CSMD1: variants seen among roughly 807,000 people sequenced by gnomAD.
CSMD1 encodes the protein CUB and Sushi multiple domains 1.
Under a neutral mutation model 417.5 loss-of-function variants are expected in CSMD1, and 213 were observed. The observed-to-expected ratio is 0.51, with a 90% CI of 0.46 to 0.57. The LOEUF is 0.57. Ranked by LOEUF, CSMD1 falls within the 20% of genes least tolerant of loss-of-function variation. CSMD1 has a pLI of 0.00. For synonymous variants in CSMD1, 2,862 were observed against 1,736.8 expected (o/e 1.65, Z -16.11); for missense variants, 6,923 against 4,529.7 (o/e 1.53, Z -15.17).
intron 1 of CSMD1, among the ~76,000 whole-genome samples, chr8:4,952,693 C>T (rs1563853734): frequency 6.6e-6 from 1 of 151,952 alleles, no homozygotes; most frequent in Non-Finnish European, 1.5e-5. Context: ...ACATGGAATA[C>T]ATTAAAATGA....
chr8:3,331,237 CAAAA>C (rs112278319), intron 23 of CSMD1, among the ~76,000 whole-genome samples: 4 of 128,512 alleles, frequency 3.1e-5, no homozygotes, highest in African/African-American at 3.2e-5. Flanking sequence ...GACTCCGTCT[CAAAA>C]AAAAAAAAAA....
chr8:3,079,678 G>C (rs750074324), intron 49 of CSMD1, among the ~76,000 whole-genome samples: 2 of 152,162 alleles, frequency 1.3e-5, no homozygotes, highest in African/African-American at 2.4e-5. Flanking sequence ...TAAAAGGACA[G>C]TTTCCTCTGA....
intron 5 of CSMD1, among the ~76,000 whole-genome samples, chr8:3,964,082 T>G (rs922237559): frequency 1.3e-5 from 2 of 152,214 alleles, no homozygotes; most frequent in African/African-American, 2.4e-5. Flanking sequence ...TTGAATAACT[T>G]TTTTGTCAAC....
At chr8:3,387,201 C>T (rs1194040208) in intron 18 of CSMD1, among the ~76,000 whole-genome samples, 2 of 152,138 alleles carry the variant, frequency 1.3e-5, no homozygotes, top group Admixed American at 6.5e-5. Flanking sequence ...TACCGCCCCA[C>T]GTGCCAGTTT....
intron 5 of CSMD1, among the ~76,000 whole-genome samples, chr8:3,791,210 A>G (rs1047503925): frequency 2.6e-5 from 4 of 152,194 alleles, no homozygotes; most frequent in African/African-American, 4.8e-5. Context: ...TACCCCAAAC[A>G]TAAACTTCCA....
chr8:3,563,442 T>TAAAAAAAAAAA (rs60108067), intron 10 of CSMD1, among the ~76,000 whole-genome samples: 3 of 62,770 alleles, frequency 4.8e-5, no homozygotes, highest in Non-Finnish European at 6.3e-5. Flanking sequence ...TATTAAAAGG[T>TAAAAAAAAAAA]AAAAAAAAAA....
In CSMD1 at chr8:4,464,236, C is replaced by A. The variant is rs73660869; in HGVS notation, c.303-44171G>T. Among the ~76,000 whole-genome samples the A allele has an allele frequency of 3.5e-3, 526 of 152,248 alleles. 3 individuals carry two copies. Among genetic ancestry groups the A allele is most frequent in the African/African-American group, 0.012 (500 of 41,558 alleles). ...TTGGATTTCACTGCCTCTTAACATT[C>A]CCACATTAACATCTTCCTGCAGTGA... On this transcript the variant is annotated intron_variant, in intron 2 of 69. Coordinates refer to ENST00000635120, the MANE Select transcript of CSMD1 (RefSeq NM_033225.6).
intron 5 of CSMD1, among the ~76,000 whole-genome samples, chr8:3,886,891 G>C (rs947624271): frequency 2.0e-5 from 3 of 152,148 alleles, no homozygotes; most frequent in Admixed American, 2.0e-4. Context: ...GCATGGTAAT[G>C]ATTCACTGAG....
At position 4,971,599 on chromosome 8, in the gene CSMD1, G is replaced by T. The variant is rs74818735; in HGVS notation, c.85+22733C>A. ...AGGCTATGTTTACCACACATTCAAA[G>T]ACTATGATTTCTAATTGCAAATGCA... On this transcript the variant is annotated intron_variant, in intron 1 of 69. Coordinates refer to ENST00000635120, the MANE Select transcript of CSMD1 (RefSeq NM_033225.6). Among the ~76,000 whole-genome samples the T allele has an allele frequency of 9.9e-3, 1,502 of 151,884 alleles. 26 individuals are homozygous for T. Among genetic ancestry groups the T allele is most frequent in the South Asian group, 0.072 (346 of 4,818 alleles).
chr8:4,388,772 T>C (rs948961986), intron 3 of CSMD1, among the ~76,000 whole-genome samples: 2 of 152,240 alleles, frequency 1.3e-5, no homozygotes, highest in African/African-American at 4.8e-5. Context: ...CCTGTCTTTC[T>C]GTGTATTCAG....
At chr8:3,704,666 G>C (rs1563290999) in intron 7 of CSMD1, 1 of 152,204 alleles carries the variant, frequency 6.6e-6, no homozygotes, top group Non-Finnish European at 1.5e-5. Context: ...CTCACCCTTT[G>C]TGGCCACGCC....
chr8:3,466,380 G>T (rs1335186050), intron 12 of CSMD1, among the ~76,000 whole-genome samples: 1 of 151,782 alleles, frequency 6.6e-6, no homozygotes, highest in Non-Finnish European at 1.5e-5. Context: ...TTAACTCTAT[G>T]TGAATATATG....
At chr8:4,864,265 A>G (rs1802299111) in intron 1 of CSMD1, among the ~76,000 whole-genome samples, 1 of 151,956 alleles carries the variant, frequency 6.6e-6, no homozygotes, top group Non-Finnish European at 1.5e-5. Context: ...AGAAATACAT[A>G]CCTACACACA....
At chr8:4,299,456 T>C (rs1356179473) in intron 3 of CSMD1, among the ~76,000 whole-genome samples, 1 of 152,142 alleles carries the variant, frequency 6.6e-6, no homozygotes, top group Non-Finnish European at 1.5e-5. Flanking sequence ...CACTAGTAAT[T>C]GGTTCTTTAA....
chr8:4,352,548 C>A (rs1584943839), intron 3 of CSMD1, among the ~76,000 whole-genome samples: 1 of 152,214 alleles, frequency 6.6e-6, no homozygotes, highest in Non-Finnish European at 1.5e-5. Context: ...CAGACATCAT[C>A]TATGTCATCC....
chr8:4,989,652 T>C lies in CSMD1; in HGVS notation c.85+4680A>G, dbSNP rs77746442. ...GGGAAAAGGTAGCTTAAATTGCATGTATGCAACTTGTAATGGCTTATTTTC... is the reference window on the plus strand; with the variant it reads ...GGGAAAAGGTAGCTTAAATTGCATGCATGCAACTTGTAATGGCTTATTTTC... On this transcript the variant is annotated intron_variant, in intron 1 of 69. Coordinates refer to ENST00000635120, the MANE Select transcript of CSMD1 (RefSeq NM_033225.6). Among the ~76,000 whole-genome samples the C allele has an allele frequency of 6.0e-3, 913 of 152,336 alleles. 14 individuals carry two copies. The highest frequency in any genetic ancestry group is 0.047 in the East Asian group (246 of 5,182).
rs539107710 is a variant in CSMD1 at position 4,887,485 on chromosome 8, A to G, written c.85+106847T>C. Among the ~76,000 whole-genome samples the G allele has an allele frequency of 3.3e-5, 5 of 152,146 alleles. No homozygotes were observed. The East Asian group carries it at 9.7e-4, about 29-fold the overall frequency. On this transcript the variant is annotated intron_variant, in intron 1 of 69. Coordinates refer to ENST00000635120, the MANE Select transcript of CSMD1 (RefSeq NM_033225.6). ...TTACAAACGTTTTTGTTACGTGTAG[A>G]TAATTCATGATGCTATTCAATTCTT...
At chr8:3,624,100 A>G (rs902020613) in intron 7 of CSMD1, among the ~76,000 whole-genome samples, 1 of 152,314 alleles carries the variant, frequency 6.6e-6, no homozygotes, top group Non-Finnish European at 1.5e-5. Flanking sequence ...ACTTATTTTT[A>G]TTTCTTAAAA....
At chr8:3,184,423 A>T (rs1017267870) in intron 36 of CSMD1, among the ~76,000 whole-genome samples, 5 of 152,208 alleles carry the variant, frequency 3.3e-5, no homozygotes, top group African/African-American at 1.2e-4. Flanking sequence ...CTTAAAGGCA[A>T]TGAGCAGACC....
Sources: gnomAD v4.1 joint callset for allele counts (sites outside exome capture counted in the v4.1 genomes callset) on GRCh38, gnomAD v4.1.1 for gene constraint, MANE v1.5 for transcripts, NCBI Gene and HGNC (gene_info 2026-07-23, HGNC 2026-07-21) for gene names.